The following F8 variants were observed in gnomAD, a reference collection of about 807,000 sequenced individuals.
F8 encodes the protein antihemophilic factor.
Under a neutral mutation model 140.6 loss-of-function variants are expected in F8, and 12 were observed. The ratio of observed to expected loss-of-function variants is 0.09; its 90% CI spans 0.05 to 0.14. The LOEUF is 0.14. F8 is among the 10% of genes least tolerant of loss of function. The pLI is 1.00. For synonymous variants in F8, 585 were observed against 614.6 expected (o/e 0.95, Z 0.71); for missense variants, 1,354 against 1,720.7 (o/e 0.79, Z 3.77).
chrX:154,986,110 A>T (rs371743157), intron 5 of F8, among the ~76,000 whole-genome samples: 34 of 112,015 alleles, frequency 3.0e-4, no homozygotes, highest in African/African-American at 1.1e-3. Flanking sequence ...TACTTAGTGT[A>T]AAGAGGGAGA....
chrX:154,946,548 T>C (rs2073305798), intron 13 of F8, among the ~76,000 whole-genome samples: 1 of 111,724 alleles, frequency 9.0e-6, no homozygotes, highest in African/African-American at 3.3e-5. Flanking sequence ...TATACCCCTA[T>C]CTCTCACTAT....
rs191481199 is a variant in F8, at chrX:154,908,038, C to T, written c.5220-1465G>A. On this transcript the variant is annotated intron_variant, in intron 14 of 25. Coordinates refer to ENST00000360256, the MANE Select transcript of F8 (RefSeq NM_000132.4). Reference sequence around the variant, plus strand: ...ATGTCAATTCTCTTTCTTTCCCTACCCTGTGGTTATTGATATATTCTTTTA... The same window carrying T: ...ATGTCAATTCTCTTTCTTTCCCTACTCTGTGGTTATTGATATATTCTTTTA... 5.5e-4 allele frequency among the ~76,000 whole-genome samples: 61 copies of T among 110,782 alleles called. 1 individual carries two copies. The highest frequency in any genetic ancestry group is 9.1e-4 in the Non-Finnish European group (48 of 52,826).
chrX:154,936,631 A>G (rs1238846692), intron 13 of F8, among the ~76,000 whole-genome samples: 3 of 112,098 alleles, frequency 2.7e-5, no homozygotes, highest in Admixed American at 9.5e-5. Flanking sequence ...AACAAACTCA[A>G]CAATCACAGA....
Position 154,904,289 on chromosome X carries a change from A to G in F8, c.5815+7T>C, listed in dbSNP as rs1557276145. 2 of 1,190,200 alleles carry G rather than the reference A, an allele frequency of 1.7e-6. No individual in the cohort carries two copies. The highest frequency in any genetic ancestry group is 2.2e-5 in the Admixed American group (1 of 45,846). ...CAGTGATAATGTTTGGATGTGGAAT[A>G]TATTACCATGGAAGCGATAATTCTC... On this transcript the variant is annotated splice_region_variant and intron_variant, in intron 17 of 25. Coordinates refer to ENST00000360256, the MANE Select transcript of F8 (RefSeq NM_000132.4).
At chrX:154,988,796 CAA>C (rs1327914398) in intron 4 of F8, among the ~76,000 whole-genome samples, 5 of 111,848 alleles carry the variant, frequency 4.5e-5, no homozygotes, top group Non-Finnish European at 5.6e-5. Context: ...TGGCCCTAAA[CAA>C]AGAGTGAGCA....
rs975335443 is a variant in F8 at position 154,836,925 on chromosome X, A to G, written c.*672T>C. 3.6e-5 allele frequency: 4 copies of G among 112,596 alleles called. No homozygotes were observed. Among genetic ancestry groups the G allele is most frequent in the African/African-American group, 6.5e-5 (2 of 30,825 alleles). 9.3% of individuals were successfully genotyped at this position (112,596 alleles called of 1,213,427 possible). A position where few individuals can be genotyped will look rare whatever the true frequency, so the allele number is the denominator to read the frequency against. ...TTATATAATTTCAGGGGACTTAGGGATTCTTGAACCCCATCTATAATTCTC... is the reference window on the plus strand; with the variant it reads ...TTATATAATTTCAGGGGACTTAGGGGTTCTTGAACCCCATCTATAATTCTC... On this transcript the variant is annotated 3_prime_UTR_variant, in exon 26 of 26. Coordinates refer to ENST00000360256, the MANE Select transcript of F8 (RefSeq NM_000132.4).
chrX:154,845,865 G>A (rs2072561985), intron 25 of F8, among the ~76,000 whole-genome samples: 1 of 111,740 alleles, frequency 8.9e-6, no homozygotes, highest in Admixed American at 9.6e-5. Flanking sequence ...TGCTTCTCTA[G>A]TTCTTTAAAT....
Position 154,929,205 on chromosome X carries a change from T to C in F8, c.4585A>G (p.Thr1529Ala). 8.3e-7 allele frequency: 1 copy of C among 1,211,965 alleles called. No individual in the cohort carries two copies. The highest frequency in any genetic ancestry group is 1.1e-6 in the Non-Finnish European group (1 of 895,512). Residue 1529 changes from threonine (T) to alanine (A), a missense_variant, in exon 14 of 26, where the codon ACT becomes GCT. Physicochemically the swap from Thr to Ala is moderately conservative, Grantham distance 58. Transcript: ENST00000360256. ...AGATGGCCAGGAGACCCATTGCTAGTTTCCGTAGGGAATAGGTCCTTCTGA... is the reference window on the plus strand; with the variant it reads ...AGATGGCCAGGAGACCCATTGCTAGCTTCCGTAGGGAATAGGTCCTTCTGA... Reference protein sequence around the residue: ...IYQKDLFPTETSNGSPGHLDL... With the variant: ...IYQKDLFPTEASNGSPGHLDL...
rs782400014 is a variant in F8, at chrX:154,966,420, G to A, written c.1271+6C>T. 3 of 1,210,689 alleles carry A rather than the reference G, an allele frequency of 2.5e-6. No individual in the cohort carries two copies. The highest frequency in any genetic ancestry group is 3.5e-5 in the South Asian group (2 of 56,876). On this transcript the variant is annotated splice_donor_region_variant and intron_variant, in intron 8 of 25. Transcript: ENST00000360256. Reference sequence around the variant, plus strand: ...GAGAGAGTACCAATAGTCAAAAAGTGCTTACCTGTCATCGGGGGCGAGGAC... The same window carrying A: ...GAGAGAGTACCAATAGTCAAAAAGTACTTACCTGTCATCGGGGGCGAGGAC...
At chrX:154,979,433 C>T (rs1461684130) in intron 6 of F8, among the ~76,000 whole-genome samples, 1 of 111,060 alleles carries the variant, frequency 9.0e-6, no homozygotes, top group Non-Finnish European at 1.9e-5. Flanking sequence ...TGAACCTGCC[C>T]TCAGGCTCCT....
chrX:155,017,200 C>A (rs1048413006), intron 1 of F8, among the ~76,000 whole-genome samples: 2 of 112,818 alleles, frequency 1.8e-5, no homozygotes, highest in Middle Eastern at 4.6e-3. Context: ...AGAGAAGGAA[C>A]TGAATTTGCT....
intron 1 of F8, among the ~76,000 whole-genome samples, chrX:155,008,323 G>A (rs2073687019): frequency 8.9e-6 from 1 of 112,353 alleles, no homozygotes; most frequent in Admixed American, 9.3e-5. Context: ...AGTCTCTGCC[G>A]CCCCTCCCTG....
chrX:155,002,579 T>C (rs1168512498), intron 1 of F8, among the ~76,000 whole-genome samples: 1 of 106,594 alleles, frequency 9.4e-6, no homozygotes, highest in Non-Finnish European at 1.9e-5. Context: ...GCCTTCTGAC[T>C]CAGACCCTGT....
chrX:154,987,327 T>G lies in F8; in HGVS notation c.602-22A>C, dbSNP rs782187042. ...CTCCCTGAAAAAGAAGTGAGAACAT[T>G]TATCTTCTATTTAAAAAATCTCATT... On this transcript the variant is annotated intron_variant, in intron 4 of 25. Transcript: ENST00000360256. 6.8e-6 allele frequency: 8 copies of G among 1,168,435 alleles called. No homozygotes were observed. The African/African-American group carries it at 1.4e-4, about 21-fold the overall frequency.
chrX:154,968,825 A>G (rs1227533594), intron 7 of F8, among the ~76,000 whole-genome samples: 1 of 110,624 alleles, frequency 9.0e-6, no homozygotes, highest in African/African-American at 3.3e-5. Flanking sequence ...GTCTGAAGTC[A>G]AGCTCTACAA....
At position 154,947,925 on chromosome X, in the gene F8, A is replaced by G. The variant is rs2073315577; in HGVS notation, c.1904-18T>C. The G allele has an allele frequency of 8.6e-7, 1 of 1,158,117 alleles. No homozygotes were observed. Among genetic ancestry groups the G allele is most frequent in the Non-Finnish European group, 1.2e-6 (1 of 846,851 alleles). The stretch of plus-strand genomic sequence containing the variant: ...ATTGATGCCTGCAAAAACAATGGGG[A>G]AAAGAGATTTAGACACATCACAGAT... On this transcript the variant is annotated intron_variant, in intron 12 of 25. Transcript: ENST00000360256.
At chrX:155,009,266 A>C (rs1232264276) in intron 1 of F8, among the ~76,000 whole-genome samples, 1 of 110,725 alleles carries the variant, frequency 9.0e-6, no homozygotes, top group Non-Finnish European at 1.9e-5. Flanking sequence ...GTTTTCAGTC[A>C]TTTAACATTA....
intron 6 of F8, among the ~76,000 whole-genome samples, chrX:154,973,965 ATGTGTG>A (rs782207804): frequency 1.9e-5 from 2 of 103,416 alleles, no homozygotes; most frequent in African/African-American, 7.1e-5. Flanking sequence ...TCTGGCTAGC[ATGTGTG>A]TGTGTGTGTG....
At chrX:154,849,166 C>T (rs7066193) in intron 25 of F8, among the ~76,000 whole-genome samples, 7,379 of 109,094 alleles carry the variant, frequency 0.068, 610 homozygotes, top group African/African-American at 0.23. Context: ...TTAGTAGAGA[C>T]GGGGTTTCAC....
Sources: gnomAD v4.1 joint callset for allele counts (sites outside exome capture counted in the v4.1 genomes callset) on GRCh38, gnomAD v4.1.1 for gene constraint, MANE v1.5 for transcripts, NCBI Gene and HGNC (gene_info 2026-07-23, HGNC 2026-07-21) for gene names.